SLC35F2: variants seen among roughly 807,000 people sequenced by gnomAD.
SLC35F2 encodes solute carrier family 35 member F2, also known as queuine/queuosine transporter SLC35F2.
Under a neutral mutation model 38.1 loss-of-function variants are expected in SLC35F2, and 25 were observed. The ratio of observed to expected loss-of-function variants is 0.66; its 90% CI spans 0.48 to 0.92. SLC35F2 has a LOEUF of 0.92. Among genes scored for constraint, SLC35F2 ranks in the 40% least tolerant of loss-of-function variants. The pLI is 0.00. For missense variants in SLC35F2, 409 were observed against 452.9 expected, an observed-to-expected ratio of 0.90 and a Z score of 0.88; for synonymous variants, 173 against 181.7, an observed-to-expected ratio of 0.95 and a Z score of 0.38.
chr11:107,810,395 ATTAG>A lies in SLC35F2; in HGVS notation c.414+1268_414+1271del, dbSNP rs1859463543. ...TTGCACCAATTCAAAACTTTTTATC[ATTAG>A]TTAGAGATCAAAGTTCCTGGGAATT... On this transcript the variant is annotated intron_variant, in intron 3 of 7. Transcript: ENST00000525815. 7 of 984,914 alleles carry A rather than the reference ATTAG, an allele frequency of 7.1e-6. No homozygotes were observed. In the Admixed American group the frequency reaches 1.9e-4, roughly 26 times the overall value. 61.0% of individuals were successfully genotyped at this position (984,914 alleles called of 1,614,324 possible). A position where few individuals can be genotyped will look rare whatever the true frequency, so the allele number is the denominator to read the frequency against.
chr11:107,855,793 A>G (rs1309405929), intron 1 of SLC35F2, among the ~76,000 whole-genome samples: 1 of 140,638 alleles, frequency 7.1e-6, no homozygotes, highest in Non-Finnish European at 1.5e-5. Flanking sequence ...CCCGGATTCC[A>G]AAAGTATCAG....
intron 4 of SLC35F2, 67 bp downstream of exon 4, chr11:107,806,650 T>A (rs1390143313): frequency 6.9e-7 from 1 of 1,441,268 alleles, no homozygotes; most frequent in Non-Finnish European, 9.7e-7. Flanking sequence ...GTTTCTTTGT[T>A]GATATAAAAG....
At chr11:107,854,333 T>G (rs1018261427) in intron 1 of SLC35F2, among the ~76,000 whole-genome samples, 1 of 150,920 alleles carries the variant, frequency 6.6e-6, no homozygotes, top group South Asian at 2.1e-4. Flanking sequence ...CTCAGGAGGC[T>G]GAGGTGGGAG....
At chr11:107,841,176 C>T (rs73546884) in intron 1 of SLC35F2, among the ~76,000 whole-genome samples, 3,052 of 152,222 alleles carry the variant, frequency 0.02, 87 homozygotes, top group African/African-American at 0.069. Flanking sequence ...TCTTTAAATC[C>T]GTTAAGTTGC....
At position 107,791,474 on chromosome 11, in the gene SLC35F2, G is replaced by T. The variant is rs1446703566; in HGVS notation, c.*1141C>A. 6.6e-6 allele frequency: 1 copy of T among 152,136 alleles called. No homozygotes were observed. Among genetic ancestry groups the T allele is most frequent in the Non-Finnish European group, 1.5e-5 (1 of 68,034 alleles). 9.4% of individuals were successfully genotyped at this position (152,136 alleles called of 1,614,324 possible). ...AGCTCTGAAAACTGTTGGAGAGTAT[G>T]ACCTGGGACTGAAACTGTGGAGCAC... On this transcript the variant is annotated 3_prime_UTR_variant, in exon 8 of 8. Transcript: ENST00000525815.
At chr11:107,797,857 T>A (rs1357730883) in intron 7 of SLC35F2, among the ~76,000 whole-genome samples, 1 of 152,198 alleles carries the variant, frequency 6.6e-6, no homozygotes, top group Non-Finnish European at 1.5e-5. Context: ...TTCTTGGATC[T>A]AATACATAGC....
At chr11:107,812,205 T>C (rs1217458500) in intron 2 of SLC35F2, among the ~76,000 whole-genome samples, 2 of 152,064 alleles carry the variant, frequency 1.3e-5, no homozygotes, top group East Asian at 3.9e-4. Context: ...CACGCCTGGC[T>C]ATTGTGTATT....
chr11:107,834,420 G>A (rs968425133), intron 1 of SLC35F2, among the ~76,000 whole-genome samples: 1 of 152,152 alleles, frequency 6.6e-6, no homozygotes, highest in African/African-American at 2.4e-5. Context: ...GGAGGCTAAG[G>A]TGGGTGGATC....
At chr11:107,821,635 A>G (rs1479605330) in intron 1 of SLC35F2, 3 of 984,622 alleles carry the variant, frequency 3.0e-6, no homozygotes, top group East Asian at 1.1e-4. Flanking sequence ...AACCCTCTAT[A>G]CCATAACAAA....
At chr11:107,857,819 G>A (rs1310073971) in intron 1 of SLC35F2, among the ~76,000 whole-genome samples, 1 of 152,078 alleles carries the variant, frequency 6.6e-6, no homozygotes, top group Non-Finnish European at 1.5e-5. Context: ...AGCCTTCTTT[G>A]TTTCTCCAGC....
chr11:107,854,980 C>G (rs1006363184), intron 1 of SLC35F2, among the ~76,000 whole-genome samples: 3 of 152,196 alleles, frequency 2.0e-5, no homozygotes, highest in Admixed American at 1.3e-4. Flanking sequence ...CAAAGCTACT[C>G]AAACTTGGGA....
chr11:107,857,143 G>A (rs185861657), intron 1 of SLC35F2, among the ~76,000 whole-genome samples: 137 of 146,536 alleles, frequency 9.3e-4, no homozygotes, highest in African/African-American at 3.5e-3. Context: ...AAGGAAGGGA[G>A]GGAGGGAGAC....
At chr11:107,799,232 T>G (rs1253501934) in intron 7 of SLC35F2, among the ~76,000 whole-genome samples, 1 of 152,224 alleles carries the variant, frequency 6.6e-6, no homozygotes, top group Non-Finnish European at 1.5e-5. Context: ...GATCTAAGAA[T>G]GTACTATTAG....
intron 1 of SLC35F2, among the ~76,000 whole-genome samples, chr11:107,837,518 T>A (rs958974072): frequency 5.3e-5 from 7 of 132,800 alleles, no homozygotes; most frequent in African/African-American, 2.1e-4. Flanking sequence ...AGAAGCCCTG[T>A]CTCTACTAAA....
chr11:107,828,608 T>C (rs1056305749), intron 1 of SLC35F2, among the ~76,000 whole-genome samples: 3 of 152,170 alleles, frequency 2.0e-5, no homozygotes, highest in Admixed American at 1.3e-4. Flanking sequence ...AAAGAGTTGA[T>C]GAAAAGGAGT....
At chr11:107,854,270 G>GA (rs34425904) in intron 1 of SLC35F2, among the ~76,000 whole-genome samples, 79,696 of 141,844 alleles carry the variant, frequency 0.56, 22,034 homozygotes, top group South Asian at 0.61. Context: ...TGTCTCTACG[G>GA]AAAAAAAAAA....
chr11:107,842,264 A>AAAAAAAAAG, intron 1 of SLC35F2, among the ~76,000 whole-genome samples: 1 of 145,410 alleles, frequency 6.9e-6, no homozygotes, highest in East Asian at 2.0e-4. Context: ...TCACAAAAAA[A>AAAAAAAAAG]AAAAAAAAAA....
At chr11:107,803,856 C>T (rs1278897506) in intron 6 of SLC35F2, among the ~76,000 whole-genome samples, 3 of 151,614 alleles carry the variant, frequency 2.0e-5, no homozygotes, top group Non-Finnish European at 4.4e-5. Context: ...GACGGAGTCT[C>T]GCACTGTTGC....
intron 1 of SLC35F2, among the ~76,000 whole-genome samples, chr11:107,845,680 C>T (rs12296042): frequency 2.0e-5 from 3 of 149,204 alleles, no homozygotes; most frequent in African/African-American, 7.4e-5. Context: ...TGGCTGGGCA[C>T]GGTGGCTCAT....
Sources: gnomAD v4.1 joint callset for allele counts (sites outside exome capture counted in the v4.1 genomes callset) on GRCh38, gnomAD v4.1.1 for gene constraint, MANE v1.5 for transcripts, NCBI Gene and HGNC (gene_info 2026-07-23, HGNC 2026-07-21) for gene names.